ROBO2: variants seen among roughly 807,000 people sequenced by gnomAD.
ROBO2 encodes the protein roundabout homolog 2.
A neutral mutation model predicts 160.8 loss-of-function variants in ROBO2; 53 were observed. The observed-to-expected ratio is 0.33, with a 90% CI of 0.26 to 0.41. The LOEUF (loss-of-function observed/expected upper bound fraction) is 0.41. Ranked by LOEUF, ROBO2 falls within the 10% of genes least tolerant of loss-of-function variation. ROBO2 has a pLI of 1.00. For missense variants in ROBO2, 1,577 were observed against 1,722.4 expected, an observed-to-expected ratio of 0.92 and a Z score of 1.49; for synonymous variants, 664 against 611.7, an observed-to-expected ratio of 1.09 and a Z score of -1.26.
exon 6 of ROBO2, chr3:77,522,868 A>G: frequency 1.2e-6 from 2 of 1,609,686 alleles, no homozygotes; most frequent in Non-Finnish European, 1.7e-6. Context: ...ATCGGGTTGG[A>G]AAAATGGAAG....
rs575054586 is a variant in ROBO2 at position 77,424,358 on chromosome 3, G to C, written c.389-53056G>C. The stretch of plus-strand genomic sequence containing the variant: ...ATGTGCTTAGAAGAGTGAGCAAACA[G>C]AATGTTAATCAATGATTGTTCTGAT... On this transcript the variant is annotated intron_variant, in intron 2 of 25. Coordinates refer to ENST00000461745, the Ensembl canonical transcript of ROBO2. Among the ~76,000 whole-genome samples the C allele has an allele frequency of 1.9e-3, 296 of 152,284 alleles. 1 individual carries two copies. The highest frequency in any genetic ancestry group is 3.7e-3 in the Admixed American group (57 of 15,296).
chr3:76,055,963 T>A (rs967721352), intron 2 of ROBO2, among the ~76,000 whole-genome samples: 1 of 152,156 alleles, frequency 6.6e-6, no homozygotes, highest in South Asian at 2.1e-4. Flanking sequence ...TTGACTAATT[T>A]TACTAGTTTT....
chr3:75,939,086 C>T (rs974087956), intron 2 of ROBO2, among the ~76,000 whole-genome samples: 62 of 151,922 alleles, frequency 4.1e-4, no homozygotes, highest in Non-Finnish European at 8.2e-4. Context: ...AGTGATCCAG[C>T]ATGACGTGTA....
intron 2 of ROBO2, among the ~76,000 whole-genome samples, chr3:77,302,231 C>A (rs1327284468): frequency 6.6e-6 from 1 of 151,842 alleles, no homozygotes; most frequent in African/African-American, 2.4e-5. Flanking sequence ...TTTGAGCCAC[C>A]AAACCTGACC....
At chr3:77,037,477 TA>T (rs201561560), upstream of ROBO2, among the ~76,000 whole-genome samples, 2 of 152,052 alleles carry the variant, frequency 1.3e-5, no homozygotes, top group Non-Finnish European at 2.9e-5. Flanking sequence ...TGATGCTTGG[TA>T]AAAAAAATGC....
chr3:77,038,506 T>A (rs2063767538), upstream of ROBO2, among the ~76,000 whole-genome samples: 1 of 152,056 alleles, frequency 6.6e-6, no homozygotes, highest in African/African-American at 2.4e-5. Context: ...CCAAAACGTA[T>A]CCACCAAACA....
At chr3:76,957,780 A>G (rs1207038341) in intron 2 of ROBO2, among the ~76,000 whole-genome samples, 3 of 149,984 alleles carry the variant, frequency 2.0e-5, no homozygotes, top group South Asian at 4.2e-4. Context: ...GCAGTGAGCC[A>G]AGACTGCGCC....
intron 1 of ROBO2, among the ~76,000 whole-genome samples, chr3:75,928,377 A>G (rs1253691836): frequency 1.3e-5 from 2 of 152,236 alleles, no homozygotes; most frequent in African/African-American, 2.4e-5. Flanking sequence ...CATAGTGCAG[A>G]CATTATGTCT....
rs367569139 is a variant in ROBO2 at position 77,011,054 on chromosome 3, C to CTTTCTTTCTTTCT, written c.110-86958_110-86957insTCTTTCTTTCTTT. Among the ~76,000 whole-genome samples the CTTTCTTTCTTTCT allele has an allele frequency of 3.7e-4, 39 of 106,816 alleles. No individual in the cohort carries two copies. The East Asian group carries it at 1.0e-2, about 27-fold the overall frequency. 70.1% of individuals were successfully genotyped at this position (106,816 alleles called of 152,430 possible). A position where few individuals can be genotyped will look rare whatever the true frequency, so the allele number is the denominator to read the frequency against. On this transcript the variant is annotated intron_variant, in intron 2 of 26. Coordinates refer to the ROBO2 transcript ENST00000487694. ...GTTCTTTCTTTTCTTTTCTTTCTTTCTTCTTTCTTTCTTTCTTTCTTTCTT... is the reference window on the plus strand; with the variant it reads ...GTTCTTTCTTTTCTTTTCTTTCTTTCTTTCTTTCTTTCTTTCTTTCTTTCTTTCTTTCTTTCTT...
At chr3:77,224,640 T>C (rs979925788) in intron 2 of ROBO2, among the ~76,000 whole-genome samples, 4 of 151,648 alleles carry the variant, frequency 2.6e-5, no homozygotes, top group African/African-American at 9.7e-5. Context: ...TGTTTGTTTG[T>C]TTGATTTATT....
At chr3:76,435,297 A>C in intron 2 of ROBO2, 1 of 1,009,066 alleles carries the variant, frequency 9.9e-7, no homozygotes, top group Non-Finnish European at 1.6e-6. Flanking sequence ...AGTCAGTGCC[A>C]AATCTTCCTA....
At chr3:76,587,574 G>A (rs955875629) in intron 2 of ROBO2, among the ~76,000 whole-genome samples, 12 of 152,164 alleles carry the variant, frequency 7.9e-5, no homozygotes, top group African/African-American at 2.9e-4. Context: ...TCATTATCAC[G>A]AGAACAGAAT....
chr3:76,646,717 A>G (rs1474865608), intron 2 of ROBO2, among the ~76,000 whole-genome samples: 1 of 152,172 alleles, frequency 6.6e-6, no homozygotes, highest in Non-Finnish European at 1.5e-5. Flanking sequence ...CTCTGCCAAG[A>G]AGTCACTCTG....
chr3:76,150,349 A>ACAT (rs1339476690), intron 2 of ROBO2, among the ~76,000 whole-genome samples: 1 of 78,268 alleles, frequency 1.3e-5, no homozygotes. Flanking sequence ...TCTAAAGCAC[A>ACAT]CATCTGTCTA....
intron 2 of ROBO2, among the ~76,000 whole-genome samples, chr3:76,328,821 C>T (rs994932622): frequency 6.1e-4 from 92 of 151,372 alleles, no homozygotes; most frequent in African/African-American, 2.0e-3. Context: ...ATCGCGCCAC[C>T]GCACTCCAGC....
At chr3:77,147,005 A>G (rs1197763673) in intron 2 of ROBO2, among the ~76,000 whole-genome samples, 1 of 152,074 alleles carries the variant, frequency 6.6e-6, no homozygotes, top group East Asian at 1.9e-4. Context: ...AAAATGGCCA[A>G]GATTTAGTAA....
chr3:76,762,049 C>T (rs2061336118), intron 2 of ROBO2, among the ~76,000 whole-genome samples: 1 of 151,060 alleles, frequency 6.6e-6, no homozygotes, highest in African/African-American at 2.4e-5. Flanking sequence ...TTCTCCAAAC[C>T]GAGTAGAGTT....
chr3:77,079,793 C>T (rs2068439644), intron 1 of ROBO2, among the ~76,000 whole-genome samples: 2 of 152,176 alleles, frequency 1.3e-5, no homozygotes, highest in South Asian at 4.1e-4. Context: ...AAGTGAATGT[C>T]AGTGCTAGCC....
At chr3:77,187,334 A>G (rs1236220368) in intron 2 of ROBO2, among the ~76,000 whole-genome samples, 1 of 151,948 alleles carries the variant, frequency 6.6e-6, no homozygotes, top group Non-Finnish European at 1.5e-5. Flanking sequence ...TGTTTTTGCC[A>G]TTCTTAGGCA....
Sources: gnomAD v4.1 joint callset for allele counts (sites outside exome capture counted in the v4.1 genomes callset) on GRCh38, gnomAD v4.1.1 for gene constraint, MANE v1.5 for transcripts, NCBI Gene and HGNC (gene_info 2026-07-23, HGNC 2026-07-21) for gene names.